Variants in CTNND2 observed in about 807,000 individuals in gnomAD.
The protein encoded by CTNND2 is catenin delta-2.
Under a neutral mutation model 144.4 loss-of-function variants are expected in CTNND2, and 22 were observed. The observed-to-expected ratio is 0.15, with a 90% confidence interval of 0.11 to 0.22. CTNND2 has a LOEUF of 0.22. Among genes scored for constraint, CTNND2 ranks in the 10% least tolerant of loss-of-function variants. CTNND2 has a pLI of 1.00. For missense variants in CTNND2, 1,353 were observed against 1,618.8 expected (o/e 0.84, Z 2.82); for synonymous variants, 751 against 695.6 (o/e 1.08, Z -1.25).
chr5:11,552,014 C>G (rs2150085895), intron 3 of CTNND2, among the ~76,000 whole-genome samples: 1 of 152,284 alleles, frequency 6.6e-6, no homozygotes, highest in South Asian at 2.1e-4. Context: ...AAGTGATCCC[C>G]TGCCCTTGGC....
chr5:11,788,534 CTCT>C (rs1308117745), intron 1 of CTNND2, among the ~76,000 whole-genome samples: 3 of 152,206 alleles, frequency 2.0e-5, no homozygotes, highest in South Asian at 4.1e-4. Flanking sequence ...AAAAAGTCTC[CTCT>C]GTTTCTCCCT....
chr5:10,999,505 C>A (rs1739697519), intron 18 of CTNND2, among the ~76,000 whole-genome samples: 1 of 152,162 alleles, frequency 6.6e-6, no homozygotes, highest in Admixed American at 6.5e-5. Context: ...TGAAGAATCA[C>A]CACGGTAACC....
chr5:11,737,087 C>T (rs1246977361), intron 1 of CTNND2, among the ~76,000 whole-genome samples: 1 of 152,110 alleles, frequency 6.6e-6, no homozygotes, highest in Non-Finnish European at 1.5e-5. Flanking sequence ...TACATGGGTT[C>T]CCAGCAGTAG....
At chr5:11,165,214 A>G (rs1283803093) in intron 11 of CTNND2, among the ~76,000 whole-genome samples, 2 of 152,248 alleles carry the variant, frequency 1.3e-5, no homozygotes, top group Non-Finnish European at 2.9e-5. Context: ...CAGAAATTCC[A>G]TTTTTAGCTA....
chr5:11,858,463 A>C (rs976007149), intron 1 of CTNND2, among the ~76,000 whole-genome samples: 5 of 152,208 alleles, frequency 3.3e-5, no homozygotes. Flanking sequence ...AATACAATCA[A>C]TACAATACCA....
intron 16 of CTNND2, among the ~76,000 whole-genome samples, chr5:11,051,977 A>G (rs1279440497): frequency 6.6e-6 from 1 of 152,180 alleles, no homozygotes; most frequent in African/African-American, 2.4e-5. Flanking sequence ...TTCCCACAGC[A>G]CTTAAAGCAT....
intron 2 of CTNND2, among the ~76,000 whole-genome samples, chr5:11,623,408 T>G (rs1561630421): frequency 6.6e-6 from 1 of 151,996 alleles, no homozygotes. Flanking sequence ...GTTTCCCCTT[T>G]CTCTTGGCCC....
Position 11,690,614 on chromosome 5 carries a change from T to G in CTNND2, c.174+41522A>C, listed in dbSNP as rs1375684131. On this transcript the variant is annotated intron_variant, in intron 2 of 21. Coordinates refer to ENST00000304623, the MANE Select transcript of CTNND2 (RefSeq NM_001332.4). ...AGCCGGGCGCGGTGGCGGGCGCCTG[T>G]AGTCCCAGCTACTCGAGAGGCTGAG... 2.0e-5 allele frequency among the ~76,000 whole-genome samples: 3 copies of G among 151,596 alleles called. No homozygotes were observed. The East Asian group carries it at 5.8e-4, about 30-fold the overall frequency.
At chr5:11,577,548 T>A (rs1430654053) in intron 2 of CTNND2, among the ~76,000 whole-genome samples, 1 of 152,164 alleles carries the variant, frequency 6.6e-6, no homozygotes, top group Non-Finnish European at 1.5e-5. Flanking sequence ...GTGAAAGGGA[T>A]GTCATTCCAG....
intron 2 of CTNND2, among the ~76,000 whole-genome samples, chr5:11,584,649 T>C (rs1305787185): frequency 1.3e-5 from 2 of 152,194 alleles, no homozygotes; most frequent in Non-Finnish European, 2.9e-5. Flanking sequence ...AAAGGTAGCA[T>C]GAACTTCATG....
chr5:11,584,303 G>A (rs1778659157), intron 2 of CTNND2, among the ~76,000 whole-genome samples: 1 of 152,048 alleles, frequency 6.6e-6, no homozygotes, highest in African/African-American at 2.4e-5. Context: ...AAACAGTAGT[G>A]GAGGCGGAAA....
intron 1 of CTNND2, among the ~76,000 whole-genome samples, chr5:11,744,587 A>G (rs1417959905): frequency 6.6e-6 from 1 of 152,170 alleles, no homozygotes; most frequent in Non-Finnish European, 1.5e-5. Flanking sequence ...AGATGCAGGG[A>G]GCACTGGCGT....
At chr5:10,985,631 G>A (rs2149491282) in intron 20 of CTNND2, among the ~76,000 whole-genome samples, 1 of 152,320 alleles carries the variant, frequency 6.6e-6, no homozygotes, top group East Asian at 1.9e-4. Flanking sequence ...ATGAAACAAG[G>A]AAGATGGCAG....
chr5:11,835,540 G>A (rs1794131791), intron 1 of CTNND2, among the ~76,000 whole-genome samples: 1 of 152,080 alleles, frequency 6.6e-6, no homozygotes, highest in Admixed American at 6.5e-5. Flanking sequence ...GTTAGTGTTG[G>A]TAGTTTGTGT....
intron 3 of CTNND2, among the ~76,000 whole-genome samples, chr5:11,541,995 T>TA (rs921765400): frequency 1.9e-4 from 28 of 148,652 alleles, no homozygotes; most frequent in South Asian, 6.5e-4. Context: ...CCTCCCCAAT[T>TA]AAAAAAAAAA....
chr5:11,654,410 A>G (rs1782805499), intron 2 of CTNND2, among the ~76,000 whole-genome samples: 1 of 152,006 alleles, frequency 6.6e-6, no homozygotes, highest in Non-Finnish European at 1.5e-5. Context: ...GTCTTTCATC[A>G]ATGTTTTATA....
At chr5:11,637,751 ATTAT>A (rs1303335569) in intron 2 of CTNND2, among the ~76,000 whole-genome samples, 2 of 152,292 alleles carry the variant, frequency 1.3e-5, no homozygotes, top group South Asian at 4.1e-4. Context: ...TGTTTTTTAA[ATTAT>A]TTATTATTTA....
chr5:11,900,671 G>A (rs1263479550), intron 1 of CTNND2, among the ~76,000 whole-genome samples: 2 of 152,182 alleles, frequency 1.3e-5, no homozygotes, highest in Non-Finnish European at 2.9e-5. Flanking sequence ...TCAAAGTACT[G>A]TGGACAGGAG....
In CTNND2 at chr5:11,291,749, C is replaced by G. The variant is rs145062078; in HGVS notation, c.1628+54623G>C. 4.5e-3 allele frequency among the ~76,000 whole-genome samples: 688 copies of G among 152,272 alleles called. 2 individuals carry two copies. The highest frequency in any genetic ancestry group is 0.016 in the African/African-American group (655 of 41,568). On this transcript the variant is annotated intron_variant, in intron 9 of 21. Coordinates refer to ENST00000304623, the MANE Select transcript of CTNND2 (RefSeq NM_001332.4). Reference sequence around the variant, plus strand: ...CCCAAATCTCCCCAGTACCTGATAACATGGAACAGAAAATGCCTGAAACCT... The same window carrying G: ...CCCAAATCTCCCCAGTACCTGATAAGATGGAACAGAAAATGCCTGAAACCT...
Sources: gnomAD v4.1 joint callset for allele counts (sites outside exome capture counted in the v4.1 genomes callset) on GRCh38, gnomAD v4.1.1 for gene constraint, MANE v1.5 for transcripts, NCBI Gene and HGNC (gene_info 2026-07-23, HGNC 2026-07-21) for gene names.